KNG1: variants seen among roughly 807,000 people sequenced by gnomAD.
KNG1 encodes the protein kininogen-1.
A neutral mutation model predicts 47.8 loss-of-function variants in KNG1; 23 were observed. The ratio of observed to expected loss-of-function variants is 0.48; its 90% CI spans 0.35 to 0.68. KNG1 has a LOEUF of 0.68. Ranked by LOEUF, KNG1 falls within the 30% of genes least tolerant of loss-of-function variation. The pLI, the probability that KNG1 is intolerant of heterozygous loss-of-function variation, is 0.01. For synonymous variants in KNG1, 277 were observed against 277.0 expected, an observed-to-expected ratio of 1.00 and a Z score of 0.00; for missense variants, 762 against 790.2, an observed-to-expected ratio of 0.96 and a Z score of 0.43.
chr3:186,738,827 C>G (rs1272805947), intron 7 of KNG1: 1 of 350,534 alleles, frequency 2.9e-6, no homozygotes, highest in Non-Finnish European at 5.4e-6. Flanking sequence ...GCCTGGGCAA[C>G]AAGAGCGAAA....
chr3:186,730,577 A>C (rs1720485745), intron 5 of KNG1, among the ~76,000 whole-genome samples: 2 of 147,806 alleles, frequency 1.4e-5, no homozygotes, highest in South Asian at 4.3e-4. Context: ...AATCACTTGA[A>C]TCCAGGAGGC....
intron 6 of KNG1, among the ~76,000 whole-genome samples, chr3:186,732,160 A>G (rs1720552393): frequency 6.6e-6 from 1 of 152,240 alleles, no homozygotes; most frequent in South Asian, 2.1e-4. Context: ...CATCAGAACC[A>G]TAGCACTTAA....
Position 186,743,880 on chromosome 3 carries a change from TA to T in KNG1, c.*1552del, listed in dbSNP as rs1367352630. On this transcript the variant is annotated 3_prime_UTR_variant, in exon 10 of 10. Transcript: ENST00000644859. ...ACAAGAAGAAAGATGGGATAGAATT[TA>T]AATAGAGAAGAATGCCATTTTATCA... The T allele has an allele frequency of 4.6e-6, 4 of 877,958 alleles. No homozygotes were observed. In the African/African-American group the frequency reaches 6.6e-5, roughly 14 times the overall value. The allele number at this position is 877,958 out of a possible 1,614,324, so 54.4% of individuals were successfully genotyped here.
chr3:186,727,355 A>C lies in KNG1; in HGVS notation c.672+11A>C. The C allele has an allele frequency of 6.7e-7, 1 of 1,486,572 alleles. No homozygotes were observed. The allele number at this position is 1,486,572 out of a possible 1,614,324, so 92.1% of individuals were successfully genotyped here. A position where few individuals can be genotyped will look rare whatever the true frequency, so the allele number is the denominator to read the frequency against. ...TCCCTTTGGAATGGTGTAAGTAGGC[A>C]AAAATTTAATGATAAAGTTCTTAGC... is the stretch of plus-strand genomic sequence containing the variant. On this transcript the variant is annotated intron_variant, in intron 5 of 9. Coordinates refer to ENST00000644859, the MANE Select transcript of KNG1 (RefSeq NM_001102416.3).
chr3:186,741,576 G>A lies in KNG1; in HGVS notation c.1180G>A (p.Gly394Arg), dbSNP rs1402537213. 1.9e-6 allele frequency: 3 copies of A among 1,610,514 alleles called. No individual in the cohort carries two copies. The highest frequency in any genetic ancestry group is 2.5e-6 in the Non-Finnish European group (3 of 1,179,112). Residue 394 changes from glycine (G) to arginine (R), a missense_variant, in exon 10 of 10, where the codon GGG becomes AGG. Physicochemically the swap from Gly to Arg is moderately radical, Grantham distance 125 (BLOSUM62 -2). Coordinates refer to ENST00000644859, the MANE Select transcript of KNG1 (RefSeq NM_001102416.3). ...GFSPFRSSRI[G>R]EIKEETTVSP... ...TTCACCTTTCCGATCATCACGAATA[G>A]GGGAAATAAAAGAAGAAACAACTGT... is the stretch of plus-strand genomic sequence containing the variant.
At chr3:186,719,129 C>T (rs5029975) in intron 1 of KNG1, among the ~76,000 whole-genome samples, 52,376 of 151,920 alleles carry the variant, frequency 0.34, 9,317 homozygotes, top group South Asian at 0.43. Flanking sequence ...AGAAATTCTG[C>T]TTCATGGTGA....
At chr3:186,723,828 G>A (rs750066482) in intron 3 of KNG1, among the ~76,000 whole-genome samples, 1 of 151,802 alleles carries the variant, frequency 6.6e-6, no homozygotes, top group Non-Finnish European at 1.5e-5. Context: ...TAATTTTTGT[G>A]TTTTTAGTAG....
intron 1 of KNG1, 146 bp downstream of exon 1, chr3:186,717,883 AACC>A (rs1720039168): frequency 2.4e-4 from 49 of 200,640 alleles, no homozygotes; most frequent in Middle Eastern, 1.1e-3. Flanking sequence ...CCACCACCAC[AACC>A]ACCACCACCA....
chr3:186,733,537 A>G (rs1324825496), intron 7 of KNG1, among the ~76,000 whole-genome samples: 1 of 152,118 alleles, frequency 6.6e-6, no homozygotes, highest in Non-Finnish European at 1.5e-5. Context: ...TAGAAGACTG[A>G]CAGGAGTGTC....
At chr3:186,732,729 G>A (rs1720570281) in intron 7 of KNG1, 55 bp downstream of exon 7, 4 of 1,421,432 alleles carry the variant, frequency 2.8e-6, no homozygotes, top group South Asian at 2.3e-5. Context: ...GCAAATTGCT[G>A]ACTAATTTTG....
intron 1 of KNG1, chr3:186,718,029 ACCACTCG>A: frequency 4.2e-6 from 1 of 240,928 alleles, no homozygotes; most frequent in South Asian, 2.8e-5. Context: ...ACCACCCACC[ACCACTCG>A]CCACCATCAC....
rs1255752518 is a variant in KNG1, at chr3:186,742,307, C to A, written c.1911C>A (p.Phe637Leu). ...CACAAATGAAAGAATCTTATTATTTCGATCTCACTGATGGCCTTTCTTAAT... is the reference window on the plus strand; with the variant it reads ...CACAAATGAAAGAATCTTATTATTTAGATCTCACTGATGGCCTTTCTTAAT... ...PTTQMKESYYFDLTDGLS is the reference protein window; with the variant it reads ...PTTQMKESYYLDLTDGLS Residue 637 changes from phenylalanine (F) to leucine (L), a missense_variant, in exon 10 of 10, where the codon TTC becomes TTA. Phe to Leu is a conservative substitution (Grantham distance 22). Transcript: ENST00000644859. 6.2e-7 allele frequency: 1 copy of A among 1,613,958 alleles called. No homozygotes were observed. Among genetic ancestry groups the A allele is most frequent in the African/African-American group, 1.3e-5 (1 of 74,928 alleles).
intron 4 of KNG1, 65 bp from the exon 5 acceptor site, chr3:186,727,172 A>G (rs1205594370): frequency 2.6e-5 from 29 of 1,103,560 alleles, no homozygotes; most frequent in Non-Finnish European, 3.9e-5. Flanking sequence ...TCCTCATAAC[A>G]TTCATATCCC....
intron 2 of KNG1, chr3:186,722,176 G>T: frequency 2.6e-6 from 1 of 390,258 alleles, no homozygotes; most frequent in Non-Finnish European, 4.6e-6. Flanking sequence ...ACCCTCCAGG[G>T]CTCAAAACAA....
intron 7 of KNG1, chr3:186,736,415 T>C (rs1380442137): frequency 6.6e-6 from 1 of 152,226 alleles, no homozygotes; most frequent in Non-Finnish European, 1.5e-5. Flanking sequence ...TTTGCACATT[T>C]AGTCCTGTTT....
intron 2 of KNG1, chr3:186,721,209 T>C (rs906679229): frequency 2.0e-5 from 3 of 152,216 alleles, no homozygotes; most frequent in African/African-American, 7.2e-5. Context: ...CTGCCAGTCA[T>C]CTGCCATTAC....
intron 9 of KNG1, among the ~76,000 whole-genome samples, chr3:186,740,568 G>A (rs1720783711): frequency 6.6e-6 from 1 of 152,220 alleles, no homozygotes; most frequent in Non-Finnish European, 1.5e-5. Flanking sequence ...TAGCAAAAGT[G>A]TAGGTAGAAT....
chr3:186,722,207 C>T, intron 2 of KNG1: 1 of 490,096 alleles, frequency 2.0e-6, no homozygotes, highest in Non-Finnish European at 3.7e-6. Flanking sequence ...TTTAAAACCT[C>T]ATCATTTACA....
chr3:186,737,957 C>T (rs1720709259), intron 7 of KNG1, among the ~76,000 whole-genome samples: 1 of 151,588 alleles, frequency 6.6e-6, no homozygotes, highest in South Asian at 2.1e-4. Flanking sequence ...GTGATTAAAA[C>T]TGTTGCTAGA....
Sources: gnomAD v4.1 joint callset for allele counts (sites outside exome capture counted in the v4.1 genomes callset) on GRCh38, gnomAD v4.1.1 for gene constraint, MANE v1.5 for transcripts, NCBI Gene and HGNC (gene_info 2026-07-23, HGNC 2026-07-21) for gene names.